Variants in DIP2A observed in about 807,000 individuals in gnomAD.
DIP2A encodes the protein DIP2 acetate--CoA ligase A, also known as disco-interacting protein 2 homolog A.
A neutral mutation model predicts 177.4 loss-of-function variants in DIP2A; 85 were observed. That is an observed-to-expected ratio of 0.48 (90% CI 0.40 to 0.57). The LOEUF (loss-of-function observed/expected upper bound fraction) is 0.57, where lower values mean the gene tolerates loss of function less well. Among genes scored for constraint, DIP2A ranks in the 20% least tolerant of loss-of-function variants. The probability of loss-of-function intolerance (pLI) is 0.00; values close to 1 mark genes in which losing one functional copy is unlikely to be tolerated. For missense variants in DIP2A, 1,791 were observed against 2,100.2 expected, an observed-to-expected ratio of 0.85 and a Z score of 2.88; for synonymous variants, 886 against 881.8, an observed-to-expected ratio of 1.00 and a Z score of -0.08.
intron 35 of DIP2A, among the ~76,000 whole-genome samples, chr21:46,565,201 A>C (rs1773308142): frequency 6.6e-6 from 1 of 152,270 alleles, no homozygotes; most frequent in Non-Finnish European, 1.5e-5. Flanking sequence ...ACACGTGGAC[A>C]GGTGGATACA....
At chr21:46,565,670 G>A (rs1442247638) in intron 35 of DIP2A, 43 bp from the exon 36 acceptor site, 1 of 1,568,212 alleles carries the variant, frequency 6.4e-7, no homozygotes, top group Non-Finnish European at 8.7e-7. Flanking sequence ...TCTGAACTCG[G>A]TGGTTGGTAA....
chr21:46,516,378 A>G (rs774202503), intron 8 of DIP2A, among the ~76,000 whole-genome samples: 59 of 151,366 alleles, frequency 3.9e-4, no homozygotes, highest in Non-Finnish European at 7.4e-4. Flanking sequence ...CCTGAGTCCT[A>G]CATTTTTAAT....
At chr21:46,561,934 G>A (rs147398012) in intron 34 of DIP2A, 129 bp downstream of exon 34, 40 of 1,481,584 alleles carry the variant, frequency 2.7e-5, no homozygotes, top group African/African-American at 1.7e-4. Context: ...GGGTGGGCTC[G>A]GCTGCTGCAG....
In DIP2A at chr21:46,537,129, G is replaced by C. The variant is rs1445146905; in HGVS notation, c.1643-95G>C. 5 of 1,179,850 alleles carry C rather than the reference G, an allele frequency of 4.2e-6. No homozygotes were observed. The highest frequency in any genetic ancestry group is 5.1e-6 in the Non-Finnish European group (4 of 785,050). The allele number at this position is 1,179,850 out of a possible 1,614,324, so 73.1% of individuals were successfully genotyped here. On this transcript the variant is annotated intron_variant, in intron 13 of 37. Coordinates refer to ENST00000417564, the MANE Select transcript of DIP2A (RefSeq NM_015151.4). The surrounding 1 kb of genome is among the most constrained non-coding windows in gnomAD (Gnocchi z 4.1). ...CTGTATCTGTTCCTGAAACTTACAT[G>C]TTGATGACGTACTCACCTCAGAATT...
intron 1 of DIP2A, among the ~76,000 whole-genome samples, chr21:46,483,695 T>C (rs2056503270): frequency 6.6e-6 from 1 of 152,210 alleles, no homozygotes; most frequent in South Asian, 2.1e-4. Flanking sequence ...AAAAAATACA[T>C]CTAAAGGAAA....
chr21:46,579,233 G>C, the DIP2A span, among the ~76,000 whole-genome samples: 2 of 152,134 alleles, frequency 1.3e-5, no homozygotes, highest in Non-Finnish European at 2.9e-5. Context: ...ACATTTTCTA[G>C]TTCATGTGCA....
chr21:46,543,895 C>T (rs1265215359), intron 18 of DIP2A, among the ~76,000 whole-genome samples: 1 of 152,104 alleles, frequency 6.6e-6, no homozygotes, highest in Admixed American at 6.6e-5. Context: ...TCTGCAAAGT[C>T]TTTTATCTGA....
intron 2 of DIP2A, among the ~76,000 whole-genome samples, chr21:46,489,944 G>C (rs2056910418): frequency 6.6e-6 from 1 of 152,156 alleles, no homozygotes; most frequent in Non-Finnish European, 1.5e-5. Context: ...CCTGGTGAGG[G>C]AGTGTGGAGA....
intron 8 of DIP2A, among the ~76,000 whole-genome samples, chr21:46,527,898 C>T (rs971334753): frequency 5.7e-4 from 87 of 152,102 alleles, no homozygotes; most frequent in African/African-American, 2.1e-3. Context: ...CCCATGGTCA[C>T]CCCTGCCTCT....
chr21:46,572,552 T>A (rs2060975903), downstream of DIP2A, among the ~76,000 whole-genome samples: 1 of 152,156 alleles, frequency 6.6e-6, no homozygotes, highest in Non-Finnish European at 1.5e-5. Context: ...ATCATGGGAA[T>A]GGGGCTGATG....
At chr21:46,553,037 C>T (rs1241483634) in intron 25 of DIP2A, 1 of 152,362 alleles carries the variant, frequency 6.6e-6, no homozygotes, top group East Asian at 1.9e-4. Flanking sequence ...TGGTGGGGGC[C>T]AGGTGGTCCC....
intron 5 of DIP2A, among the ~76,000 whole-genome samples, chr21:46,500,152 T>A (rs769498704): frequency 6.6e-6 from 1 of 152,186 alleles, no homozygotes; most frequent in Non-Finnish European, 1.5e-5. Flanking sequence ...AGTCAGCACA[T>A]CTCTTGTGTT....
chr21:46,466,548 G>A (rs1033613143), intron 1 of DIP2A, among the ~76,000 whole-genome samples: 10 of 151,498 alleles, frequency 6.6e-5, no homozygotes, highest in African/African-American at 1.2e-4. Context: ...TGGGTTTCAC[G>A]TGTTGGTCAG....
intron 8 of DIP2A, among the ~76,000 whole-genome samples, chr21:46,524,972 T>C (rs1049643088): frequency 7.0e-6 from 1 of 142,404 alleles, no homozygotes; most frequent in Non-Finnish European, 1.5e-5. Flanking sequence ...CTGCAGCCTC[T>C]GCCTTCCGGA....
At chr21:46,485,773 TAAG>T (rs2056640946) in intron 2 of DIP2A, among the ~76,000 whole-genome samples, 1 of 151,994 alleles carries the variant, frequency 6.6e-6, no homozygotes, top group African/African-American at 2.4e-5. Flanking sequence ...GTAACACAAA[TAAG>T]AAGTAGTATC....
In DIP2A at chr21:46,563,176, C is replaced by T. The variant is rs743349; in HGVS notation, c.4090-682C>T. Among the ~76,000 whole-genome samples, 17,903 of 152,092 alleles carry T rather than the reference C, an allele frequency of 0.12. 1,381 individuals are homozygous for T. Among genetic ancestry groups the T allele is most frequent in the African/African-American group, 0.22 (8,928 of 41,440 alleles). Reference sequence around the variant, plus strand: ...TCCCACTCCGCCGGGGAGGGTCTGGCGGTAACCGTAGCTCACACCTCCCTG... The same window carrying T: ...TCCCACTCCGCCGGGGAGGGTCTGGTGGTAACCGTAGCTCACACCTCCCTG... On this transcript the variant is annotated intron_variant, in intron 34 of 37. Coordinates refer to ENST00000417564, the MANE Select transcript of DIP2A (RefSeq NM_015151.4). The surrounding 1 kb of genome is among the most constrained non-coding windows in gnomAD (Gnocchi z 4.3).
Position 46,567,445 on chromosome 21 carries a change from G to A in DIP2A, c.4539G>A (p.Leu1513=). The A allele has an allele frequency of 6.2e-7, 1 of 1,614,008 alleles. No individual in the cohort carries two copies. Among genetic ancestry groups the A allele is most frequent in the Non-Finnish European group, 8.5e-7 (1 of 1,179,892 alleles). The change falls in exon 38 of 38, where the codon CTG becomes CTA. Residue 1513 remains leucine, a synonymous_variant. Transcript: ENST00000417564. The part of the protein sequence containing the change: ...LDGLEQDALD[L]VALVTNVVLE... ...GGCTAGAGCAGGATGCCCTGGACCT[G>A]GTGGCCCTGGTGACCAACGTGGTGC...
rs191210626 is a variant in DIP2A at position 46,509,196 on chromosome 21, C to G, written c.785-61C>G. On this transcript the variant is annotated intron_variant, in intron 6 of 37. Coordinates refer to ENST00000417564, the MANE Select transcript of DIP2A (RefSeq NM_015151.4). ...GTGTGGTTTGTCCTTGGACCTTACA[C>G]CTGTGTCCACTTCTTCAGATGTGTC... 708 of 1,540,628 alleles carry G rather than the reference C, an allele frequency of 4.6e-4. 1 individual carries two copies. Among genetic ancestry groups the G allele is most frequent in the African/African-American group, 4.4e-3 (321 of 72,722 alleles).
Position 46,545,289 on chromosome 21 carries a change from T to C in DIP2A, c.2313+16T>C. The C allele has an allele frequency of 6.3e-7, 1 of 1,583,006 alleles. No homozygotes were observed. Among genetic ancestry groups the C allele is most frequent in the Non-Finnish European group, 8.6e-7 (1 of 1,156,308 alleles). On this transcript the variant is annotated intron_variant, in intron 19 of 37. Transcript: ENST00000417564. ...TGTGTTTGAGGTTTGTCCCTTTTCCTGACTTTCATGTTGAAGTTAAGTTGC... is the reference window on the plus strand; with the variant it reads ...TGTGTTTGAGGTTTGTCCCTTTTCCCGACTTTCATGTTGAAGTTAAGTTGC...
Sources: allele counts gnomAD v4.1 joint callset (sites outside exome capture counted in the v4.1 genomes callset), GRCh38; gene constraint gnomAD v4.1.1; non-coding constraint Gnocchi (gnomAD v3.1); transcripts MANE v1.5; gene names NCBI Gene and HGNC (gene_info 2026-07-23, HGNC 2026-07-21).